Variants in DPP10 observed in about 807,000 individuals in gnomAD.
The protein encoded by DPP10 is inactive dipeptidyl peptidase 10.
Under a neutral mutation model 120.9 loss-of-function variants are expected in DPP10, and 33 were observed. The observed-to-expected ratio is 0.27, with a 90% confidence interval of 0.21 to 0.37. The LOEUF (loss-of-function observed/expected upper bound fraction) is 0.37, where lower values mean the gene tolerates loss of function less well. DPP10 is among the 10% of genes least tolerant of loss of function. The probability of loss-of-function intolerance (pLI) is 1.00; values close to 1 mark genes in which losing one functional copy is unlikely to be tolerated. For missense variants in DPP10, 816 were observed against 942.8 expected, an observed-to-expected ratio of 0.87 and a Z score of 1.76; for synonymous variants, 337 against 326.1, an observed-to-expected ratio of 1.03 and a Z score of -0.36.
At chr2:114,566,862 G>A (rs940193253) in intron 1 of DPP10, among the ~76,000 whole-genome samples, 1 of 152,184 alleles carries the variant, frequency 6.6e-6, no homozygotes, top group Non-Finnish European at 1.5e-5. Context: ...AGAAATTTAG[G>A]TTAGATTTGT....
chr2:114,569,770 A>G (rs1689475145), intron 1 of DPP10, among the ~76,000 whole-genome samples: 1 of 152,200 alleles, frequency 6.6e-6, no homozygotes, highest in African/African-American at 2.4e-5. Context: ...GCAAAGTGAA[A>G]CAAGAGCAAA....
intron 1 of DPP10, among the ~76,000 whole-genome samples, chr2:114,852,400 A>T (rs1392865586): frequency 6.6e-6 from 1 of 151,936 alleles, no homozygotes; most frequent in Non-Finnish European, 1.5e-5. Context: ...TATTTTTTTA[A>T]AAAATGGATG....
intron 8 of DPP10, among the ~76,000 whole-genome samples, chr2:115,729,137 G>T (rs1337660301): frequency 3.9e-5 from 6 of 152,170 alleles, no homozygotes; most frequent in African/African-American, 1.2e-4. Flanking sequence ...AGTGTTCATT[G>T]GTTGAGAGTT....
At chr2:115,452,944 G>T (rs2073229826) in intron 3 of DPP10, among the ~76,000 whole-genome samples, 1 of 151,788 alleles carries the variant, frequency 6.6e-6, no homozygotes, top group African/African-American at 2.4e-5. Flanking sequence ...ACAATAGTAA[G>T]AATTTTTACT....
chr2:115,216,460 G>GTA (rs1292943014), intron 1 of DPP10, among the ~76,000 whole-genome samples: 6 of 152,126 alleles, frequency 3.9e-5, no homozygotes, highest in African/African-American at 1.4e-4. Flanking sequence ...AAGTGTGTAT[G>GTA]TATATATATG....
At chr2:114,540,881 T>A (rs1686895364) in intron 1 of DPP10, among the ~76,000 whole-genome samples, 2 of 152,298 alleles carry the variant, frequency 1.3e-5, no homozygotes, top group South Asian at 4.1e-4. Context: ...TAGTCTTACC[T>A]TCACTAAAGG....
intron 1 of DPP10, among the ~76,000 whole-genome samples, chr2:114,880,048 T>C (rs1261242202): frequency 6.6e-6 from 1 of 152,198 alleles, no homozygotes; most frequent in East Asian, 1.9e-4. Context: ...GAGATTATAC[T>C]TATTCCCTGT....
At chr2:115,057,391 T>C (rs1706011599) in intron 1 of DPP10, among the ~76,000 whole-genome samples, 1 of 152,184 alleles carries the variant, frequency 6.6e-6, no homozygotes, top group South Asian at 2.1e-4. Context: ...TTAGGTCTTA[T>C]ATTTGACTAA....
rs150942376 is a variant in DPP10 at position 114,752,850 on chromosome 2, C to T, written c.60+310012C>T. 6.5e-4 allele frequency among the ~76,000 whole-genome samples: 99 copies of T among 152,314 alleles called. 1 individual carries two copies. The highest frequency in any genetic ancestry group is 1.2e-3 in the Non-Finnish European group (82 of 68,022). Reference sequence around the variant, plus strand: ...AAAGGAAAGTAAAATCATAGGTTTGCTGATGAAGCTGAAATGGGGAAATAT... The same window carrying T: ...AAAGGAAAGTAAAATCATAGGTTTGTTGATGAAGCTGAAATGGGGAAATAT... On this transcript the variant is annotated intron_variant, in intron 1 of 25. Coordinates refer to ENST00000410059, the MANE Select transcript of DPP10 (RefSeq NM_020868.6).
chr2:115,384,599 G>A (rs1248873494), intron 3 of DPP10, among the ~76,000 whole-genome samples: 1 of 145,540 alleles, frequency 6.9e-6, no homozygotes, highest in Non-Finnish European at 1.5e-5. Flanking sequence ...AAGGAAGAAG[G>A]AGGAAGAAGA....
At chr2:115,779,272 C>T (rs190956321) in intron 15 of DPP10, among the ~76,000 whole-genome samples, 7 of 151,952 alleles carry the variant, frequency 4.6e-5, no homozygotes, top group Non-Finnish European at 8.8e-5. Context: ...CTAGTGTAGT[C>T]GACAGTGTTA....
At chr2:115,088,778 C>CA (rs1365690272) in intron 1 of DPP10, among the ~76,000 whole-genome samples, 15 of 95,104 alleles carry the variant, frequency 1.6e-4, no homozygotes, top group East Asian at 6.1e-4. Context: ...AACCAAAAAA[C>CA]AAAAAAAACC....
chr2:114,696,596 C>T (rs1292144913), intron 1 of DPP10, among the ~76,000 whole-genome samples: 4 of 151,966 alleles, frequency 2.6e-5, no homozygotes, highest in Admixed American at 2.6e-4. Context: ...TTTATTACTA[C>T]ATGTCCCTTA....
At chr2:114,862,170 A>G (rs1315016036) in intron 1 of DPP10, among the ~76,000 whole-genome samples, 2 of 152,174 alleles carry the variant, frequency 1.3e-5, no homozygotes, top group Non-Finnish European at 2.9e-5. Flanking sequence ...CTAGACAGAG[A>G]TTGCAAAGTC....
intron 3 of DPP10, among the ~76,000 whole-genome samples, chr2:115,442,856 A>G (rs753978115): frequency 9.2e-5 from 14 of 152,280 alleles, no homozygotes; most frequent in South Asian, 2.1e-4. Flanking sequence ...TCCGTCATCT[A>G]TCTAAGATGA....
At chr2:115,099,143 AAAAGAAAAAAAG>A (rs1467754587) in intron 1 of DPP10, among the ~76,000 whole-genome samples, 5 of 150,492 alleles carry the variant, frequency 3.3e-5, no homozygotes, top group Non-Finnish European at 7.4e-5. Flanking sequence ...AAAAAAAAAA[AAAAGAAAAAAAG>A]AAAAGAAAAA....
At chr2:114,621,016 C>G (rs190871712) in intron 1 of DPP10, among the ~76,000 whole-genome samples, 1 of 151,682 alleles carries the variant, frequency 6.6e-6, no homozygotes, top group Admixed American at 6.6e-5. Context: ...TAAGAAAAGC[C>G]CAGCCAAAAT....
chr2:114,460,093 G>A (rs1311817569), intron 1 of DPP10, among the ~76,000 whole-genome samples: 2 of 152,110 alleles, frequency 1.3e-5, no homozygotes, highest in Non-Finnish European at 2.9e-5. Context: ...AGATGATAAT[G>A]GGGCTGGATA....
chr2:115,226,523 T>C (rs769214836), intron 1 of DPP10, among the ~76,000 whole-genome samples: 3 of 152,202 alleles, frequency 2.0e-5, no homozygotes, highest in Non-Finnish European at 4.4e-5. Flanking sequence ...GTAAGCACAC[T>C]GTCAGTTATC....
Sources: gnomAD v4.1 joint callset for allele counts (sites outside exome capture counted in the v4.1 genomes callset) on GRCh38, gnomAD v4.1.1 for gene constraint, MANE v1.5 for transcripts, NCBI Gene and HGNC (gene_info 2026-07-23, HGNC 2026-07-21) for gene names.